The following OR1K1 variants were observed in gnomAD, a reference collection of about 807,000 sequenced individuals.
OR1K1 encodes olfactory receptor family 1 subfamily K member 1.
For missense variants in OR1K1, 409 were observed against 407.9 expected, an observed-to-expected ratio of 1.00 and a Z score of -0.02; for synonymous variants, 168 against 178.2, an observed-to-expected ratio of 0.94 and a Z score of 0.46.
chr9:122,800,535 C>T lies in OR1K1; in HGVS notation c.413C>T (p.Ser138Phe). The change falls in exon 1 of 1, where the codon TCC becomes TTC. Residue 138 changes from serine (S) to phenylalanine (F), a missense_variant. Ser to Phe is a radical substitution (Grantham distance 155). Transcript: ENST00000277309. ...RHPLPYATRM[S>F]RAMCAALVGM... ...CCCCTCCCCTATGCCACGAGGATGT[C>T]CCGGGCCATGTGCGCAGCCCTGGTG... 9.3e-6 allele frequency: 15 copies of T among 1,612,700 alleles called. No homozygotes were observed. The highest frequency in any genetic ancestry group is 1.2e-5 in the Non-Finnish European group (14 of 1,180,008).
rs1476658333 is a variant in OR1K1 at position 122,800,356 on chromosome 9, T to C, written c.234T>C (p.Thr78=). The C allele has an allele frequency of 4.3e-6, 7 of 1,614,080 alleles. No individual in the cohort carries two copies. Among genetic ancestry groups the C allele is most frequent in the African/African-American group, 2.7e-5 (2 of 74,936 alleles). ...SFADLCFASV[T]VPKMLANLLA... is the part of the protein sequence containing the mutation. ...CTGACCTCTGCTTCGCCTCCGTCACTGTGCCCAAGATGTTGGCCAACTTGT... is the reference window on the plus strand; with the variant it reads ...CTGACCTCTGCTTCGCCTCCGTCACCGTGCCCAAGATGTTGGCCAACTTGT... Residue 78 remains threonine, a synonymous_variant, in exon 1 of 1, where the codon ACT becomes ACC. Coordinates refer to ENST00000277309, the MANE Select transcript of OR1K1 (RefSeq NM_080859.1).
rs1297887654 is a variant in OR1K1, at chr9:122,800,412, G to C, written c.290G>C (p.Gly97Ala). The C allele has an allele frequency of 6.2e-7, 1 of 1,613,492 alleles. No homozygotes were observed. The highest frequency in any genetic ancestry group is 1.1e-5 in the South Asian group (1 of 91,080). The change falls in exon 1 of 1, where the codon GGC (glycine) becomes GCC (alanine). Residue 97 changes from glycine (G) to alanine (A), a missense_variant. Transcript: ENST00000277309. ...CATGACCACTCCATCTCGCTGGCTG[G>C]CTGCCTGACCCAAATGTACTTCTTC... ...LAHDHSISLA[G>A]CLTQMYFFFA...
chr9:122,800,797 C>G lies in OR1K1; in HGVS notation c.675C>G (p.Ala225=). Reference sequence around the variant, plus strand: ...CCTCCTATGGGGCCATCGCAGCTGCCGTGCTCCAGCTGCCCTCAGCCTCTG... The same window carrying G: ...CCTCCTATGGGGCCATCGCAGCTGCGGTGCTCCAGCTGCCCTCAGCCTCTG... ...ILASYGAIAA[A]VLQLPSASGR... The change falls in exon 1 of 1, where the codon GCC becomes GCG. Residue 225 remains alanine, a synonymous_variant. Coordinates refer to ENST00000277309, the MANE Select transcript of OR1K1 (RefSeq NM_080859.1). 1 of 1,613,834 alleles carries G rather than the reference C, an allele frequency of 6.2e-7. No individual in the cohort carries two copies. Among genetic ancestry groups the G allele is most frequent in the South Asian group, 1.1e-5 (1 of 91,078 alleles).
At position 122,800,295 on chromosome 9, in the gene OR1K1, C is replaced by T. The variant is rs770272216; in HGVS notation, c.173C>T (p.Ala58Val). ...AAIQASPALH[A>V]PMYFLLAHLS... ...ATCCAGGCCAGTCCAGCCCTTCATG[C>T]ACCCATGTACTTCCTGCTGGCCCAC... The change falls in exon 1 of 1, where the codon GCA becomes GTA. Residue 58 changes from alanine (A) to valine (V), a missense_variant. Ala to Val is a moderately conservative substitution (Grantham distance 64). Coordinates refer to ENST00000277309, the MANE Select transcript of OR1K1 (RefSeq NM_080859.1). 3 of 1,614,202 alleles carry T rather than the reference C, an allele frequency of 1.9e-6. No homozygotes were observed. Among genetic ancestry groups the T allele is most frequent in the East Asian group, 2.2e-5 (1 of 44,888 alleles).
At position 122,800,538 on chromosome 9, in the gene OR1K1, G is replaced by A. The variant is rs867239913; in HGVS notation, c.416G>A (p.Arg139Gln). 12 of 1,612,562 alleles carry A rather than the reference G, an allele frequency of 7.4e-6. No individual in the cohort carries two copies. The highest frequency in any genetic ancestry group is 3.3e-5 in the Admixed American group (2 of 60,006). Residue 139 changes from arginine to glutamine, a missense_variant, in exon 1 of 1, where the codon CGG (arginine) becomes CAG (glutamine). Arg to Gln is a conservative substitution (Grantham distance 43, BLOSUM62 1). Coordinates refer to ENST00000277309, the MANE Select transcript of OR1K1 (RefSeq NM_080859.1). ...HPLPYATRMS[R>Q]AMCAALVGMA... Reference sequence around the variant, plus strand: ...CTCCCCTATGCCACGAGGATGTCCCGGGCCATGTGCGCAGCCCTGGTGGGA... The same window carrying A: ...CTCCCCTATGCCACGAGGATGTCCCAGGCCATGTGCGCAGCCCTGGTGGGA...
In OR1K1 at chr9:122,800,699, A is replaced by G. The variant is rs971250858; in HGVS notation, c.577A>G (p.Thr193Ala). 1 of 1,614,000 alleles carries G rather than the reference A, an allele frequency of 6.2e-7. No individual in the cohort carries two copies. Among genetic ancestry groups the G allele is most frequent in the Non-Finnish European group, 8.5e-7 (1 of 1,180,026 alleles). Residue 193 changes from threonine to alanine, a missense_variant, in exon 1 of 1, where the codon ACC becomes GCC. Thr to Ala is a moderately conservative substitution (Grantham distance 58, BLOSUM62 0). Transcript: ENST00000277309. ...TCTCTTAAGGCTCTCGTGCTCTGAC[A>G]CCCACCACATCCAGCTGCTCATCTT... ...QPLLRLSCSD[T>A]HHIQLLIFTE...
rs1829356110 is a variant in OR1K1, at chr9:122,800,764, C to T, written c.642C>T (p.Leu214=). 6.2e-7 allele frequency: 1 copy of T among 1,613,914 alleles called. No homozygotes were observed. The change falls in exon 1 of 1, where the codon CTC becomes CTT. Residue 214 remains leucine, a synonymous_variant. Transcript: ENST00000277309. ...GAAVVVTPFL[L]ILASYGAIAA... is the part of the protein sequence containing the mutation. ...CAGTGGTGGTCACTCCCTTCCTGCTCATCCTCGCCTCCTATGGGGCCATCG... is the reference window on the plus strand; with the variant it reads ...CAGTGGTGGTCACTCCCTTCCTGCTTATCCTCGCCTCCTATGGGGCCATCG...
rs370996319 is a variant in OR1K1 at position 122,800,473 on chromosome 9, G to T, written c.351G>T (p.Ala117=). The T allele has an allele frequency of 3.1e-6, 5 of 1,611,378 alleles. No homozygotes were observed. The East Asian group carries it at 1.1e-4, about 36-fold the overall frequency. ...GGGTAACTGATAGCTGTCTTCTGGC[G>T]GCCATGGCCTATGACTGCTACGTGG... ...ALGVTDSCLL[A]AMAYDCYVAI... The change falls in exon 1 of 1, where the codon GCG becomes GCT. Residue 117 remains alanine (A), a synonymous_variant. Transcript: ENST00000277309.
rs148103972 is a variant in OR1K1, at chr9:122,800,403, C to G, written c.281C>G (p.Ser94Trp). The G allele has an allele frequency of 3.1e-6, 5 of 1,613,758 alleles. No individual in the cohort carries two copies. In the African/African-American group the frequency reaches 4.0e-5, roughly 13 times the overall value. The stretch of plus-strand genomic sequence containing the variant: ...TTGTTGGCCCATGACCACTCCATCT[C>G]GCTGGCTGGCTGCCTGACCCAAATG... ...ANLLAHDHSI[S>W]LAGCLTQMYF... The change falls in exon 1 of 1, where the codon TCG becomes TGG. Residue 94 changes from serine (S) to tryptophan (W), a missense_variant. Physicochemically the swap from Ser to Trp is radical, Grantham distance 177. Coordinates refer to ENST00000277309, the MANE Select transcript of OR1K1 (RefSeq NM_080859.1).
chr9:122,800,719 C>T lies in OR1K1; in HGVS notation c.597C>T (p.Leu199=), dbSNP rs541654812. 344 of 1,614,138 alleles carry T rather than the reference C, an allele frequency of 2.1e-4. 3 individuals are homozygous for T. In the South Asian group the frequency reaches 3.5e-3, roughly 17 times the overall value. ...SCSDTHHIQL[L]IFTEGAAVVV... ...CTGACACCCACCACATCCAGCTGCT[C>T]ATCTTCACCGAGGGCGCCGCAGTGG... The change falls in exon 1 of 1, where the codon CTC becomes CTT. Residue 199 remains leucine, a synonymous_variant. Coordinates refer to ENST00000277309, the MANE Select transcript of OR1K1 (RefSeq NM_080859.1).
At position 122,800,160 on chromosome 9, in the gene OR1K1, T is replaced by C. The variant is rs1829343738; in HGVS notation, c.38T>C (p.Phe13Ser). The stretch of plus-strand genomic sequence containing the variant: ...AATGAGTCTTCAGAGGGAATCTCAT[T>C]CGTTTTATTGGGACTGACAACAAGT... ...AANESSEGISFVLLGLTTSPG... is the reference protein window; with the variant it reads ...AANESSEGISSVLLGLTTSPG... The change falls in exon 1 of 1, where the codon TTC becomes TCC. Residue 13 changes from phenylalanine (F) to serine (S), a missense_variant. Transcript: ENST00000277309. 2 of 1,613,314 alleles carry C rather than the reference T, an allele frequency of 1.2e-6. No individual in the cohort carries two copies. The highest frequency in any genetic ancestry group is 1.7e-6 in the Non-Finnish European group (2 of 1,179,616).
chr9:122,800,877 T>C lies in OR1K1; in HGVS notation c.755T>C (p.Phe252Ser). ...CGSHLAVVSL[F>S]YGTVIAVYFQ... ...TCCCACCTGGCTGTGGTGAGCCTCT[T>C]CTATGGGACAGTCATTGCAGTCTAC... Residue 252 changes from phenylalanine to serine, a missense_variant, in exon 1 of 1, where the codon TTC becomes TCC. Physicochemically the swap from Phe to Ser is radical, Grantham distance 155. Coordinates refer to ENST00000277309, the MANE Select transcript of OR1K1 (RefSeq NM_080859.1). The C allele has an allele frequency of 6.2e-7, 1 of 1,614,130 alleles. No individual in the cohort carries two copies. The highest frequency in any genetic ancestry group is 8.5e-7 in the Non-Finnish European group (1 of 1,180,010).
In OR1K1 at chr9:122,800,831, C is replaced by A. The variant is rs147003720; in HGVS notation, c.709C>A (p.Arg237=). Residue 237 remains arginine (R), a synonymous_variant, in exon 1 of 1, where the codon CGG becomes AGG. Transcript: ENST00000277309. The stretch of plus-strand genomic sequence containing the variant: ...GCTGCCCTCAGCCTCTGGGAGGCTC[C>A]GGGCTGTGTCCACCTGTGGCTCCCA... ...LQLPSASGRL[R]AVSTCGSHLA... is the part of the protein sequence containing the mutation. 6.2e-7 allele frequency: 1 copy of A among 1,613,510 alleles called. No homozygotes were observed. Among genetic ancestry groups the A allele is most frequent in the African/African-American group, 1.3e-5 (1 of 74,922 alleles).
chr9:122,800,563 A>G lies in OR1K1; in HGVS notation c.441A>G (p.Gly147=). Residue 147 remains glycine, a synonymous_variant, in exon 1 of 1, where the codon GGA becomes GGG. Coordinates refer to ENST00000277309, the MANE Select transcript of OR1K1 (RefSeq NM_080859.1). The part of the protein sequence containing the change: ...MSRAMCAALV[G]MAWLVSHVHS... ...GGGCCATGTGCGCAGCCCTGGTGGGAATGGCATGGCTGGTGTCCCACGTCC... is the reference window on the plus strand; with the variant it reads ...GGGCCATGTGCGCAGCCCTGGTGGGGATGGCATGGCTGGTGTCCCACGTCC... The G allele has an allele frequency of 6.2e-7, 1 of 1,613,286 alleles. No homozygotes were observed. Among genetic ancestry groups the G allele is most frequent in the Non-Finnish European group, 8.5e-7 (1 of 1,180,000 alleles).
At position 122,800,747 on chromosome 9, in the gene OR1K1, G is replaced by T. The variant is rs372097519; in HGVS notation, c.625G>T (p.Val209Phe). Residue 209 changes from valine to phenylalanine, a missense_variant, in exon 1 of 1, where the codon GTC (valine) becomes TTC (phenylalanine). By Grantham distance (50) the Val-to-Phe change is conservative. Transcript: ENST00000277309. ...LIFTEGAAVV[V>F]TPFLLILASY... ...CTTCACCGAGGGCGCCGCAGTGGTG[G>T]TCACTCCCTTCCTGCTCATCCTCGC... is the stretch of plus-strand genomic sequence containing the variant. 1 of 1,614,006 alleles carries T rather than the reference G, an allele frequency of 6.2e-7. No homozygotes were observed. The highest frequency in any genetic ancestry group is 8.5e-7 in the Non-Finnish European group (1 of 1,180,032).
rs145330204 is a variant in OR1K1 at position 122,800,253 on chromosome 9, G to A, written c.131G>A (p.Gly44Glu). 1,097 of 1,614,164 alleles carry A rather than the reference G, an allele frequency of 6.8e-4. 13 individuals are homozygous for A. The Admixed American group carries it at 0.016, about 24-fold the overall frequency. ...LLYVASLLGN[G>E]LIVAAIQASP... is the part of the protein sequence containing the mutation. ...TATGTGGCCAGCCTCCTGGGTAATG[G>A]ACTCATTGTGGCTGCCATCCAGGCC... Residue 44 changes from glycine to glutamate, a missense_variant, in exon 1 of 1, where the codon GGA (glycine) becomes GAA (glutamate). By Grantham distance (98) the Gly-to-Glu change is moderately conservative. Coordinates refer to ENST00000277309, the MANE Select transcript of OR1K1 (RefSeq NM_080859.1).
At position 122,800,715 on chromosome 9, in the gene OR1K1, T is replaced by A. The variant is rs779937248; in HGVS notation, c.593T>A (p.Leu198Gln). The change falls in exon 1 of 1, where the codon CTG becomes CAG. Residue 198 changes from leucine to glutamine, a missense_variant. Transcript: ENST00000277309. ...LSCSDTHHIQ[L>Q]LIFTEGAAVV... ...TGCTCTGACACCCACCACATCCAGC[T>A]GCTCATCTTCACCGAGGGCGCCGCA... 3 of 1,614,046 alleles carry A rather than the reference T, an allele frequency of 1.9e-6. No individual in the cohort carries two copies. Among genetic ancestry groups the A allele is most frequent in the African/African-American group, 2.7e-5 (2 of 74,938 alleles).
In OR1K1 at chr9:122,800,887, A is replaced by G. The variant is rs1829357849; in HGVS notation, c.765A>G (p.Thr255=). 9 of 1,614,140 alleles carry G rather than the reference A, an allele frequency of 5.6e-6. No homozygotes were observed. Among genetic ancestry groups the G allele is most frequent in the Non-Finnish European group, 6.8e-6 (8 of 1,180,020 alleles). ...HLAVVSLFYG[T]VIAVYFQATS... is the part of the protein sequence containing the mutation. ...CTGTGGTGAGCCTCTTCTATGGGAC[A>G]GTCATTGCAGTCTACTTCCAGGCCA... is the stretch of plus-strand genomic sequence containing the variant. The change falls in exon 1 of 1, where the codon ACA becomes ACG. Residue 255 remains threonine (T), a synonymous_variant. Transcript: ENST00000277309.
At position 122,800,667 on chromosome 9, in the gene OR1K1, A is replaced by G. The variant is rs201926961; in HGVS notation, c.545A>G (p.His182Arg). 2 of 1,612,294 alleles carry G rather than the reference A, an allele frequency of 1.2e-6. No individual in the cohort carries two copies. The highest frequency in any genetic ancestry group is 1.7e-6 in the Non-Finnish European group (2 of 1,179,780). Residue 182 changes from histidine to arginine, a missense_variant, in exon 1 of 1, where the codon CAC becomes CGC. Transcript: ENST00000277309. ...SHQVPHFFCD[H>R]QPLLRLSCSD... ...CAAGTGCCCCACTTCTTCTGTGACC[A>G]CCAGCCTCTCTTAAGGCTCTCGTGC...
Sources: allele counts gnomAD v4.1 joint callset, GRCh38; gene constraint gnomAD v4.1.1; transcripts MANE v1.5; gene names NCBI Gene and HGNC (gene_info 2026-07-23, HGNC 2026-07-21).